Variants in LARGE1 observed in about 807,000 individuals in gnomAD.
The protein encoded by LARGE1 is xylosyl- and glucuronyltransferase LARGE1.
In LARGE1, 43 loss-of-function variants were observed where a neutral mutation model predicts 87.6. The observed-to-expected ratio is 0.49, with a 90% CI of 0.38 to 0.63. The LOEUF is 0.63. LARGE1 is among the 30% of genes least tolerant of loss of function. The pLI, the probability that LARGE1 is intolerant of heterozygous loss-of-function variation, is 0.00. For synonymous variants in LARGE1, 434 were observed against 394.6 expected (o/e 1.10, Z -1.18); for missense variants, 802 against 1,000.2 (o/e 0.80, Z 2.67).
the LARGE1 span, among the ~76,000 whole-genome samples, chr22:33,104,739 T>G: frequency 7.2e-5 from 11 of 152,200 alleles, no homozygotes; most frequent in African/African-American, 2.7e-4. Context: ...CCTCTTCTTC[T>G]GCCTATAACA....
In LARGE1 at chr22:33,469,422, A is replaced by T. The variant is rs184752058; in HGVS notation, c.788-37157T>A. ...TGGATGCCATTATCGTAAACACACT[A>T]ACGCAGGAACACAAAATGTTTACCT... On this transcript the variant is annotated intron_variant, in intron 6 of 14. Transcript: ENST00000397394. Among the ~76,000 whole-genome samples the T allele has an allele frequency of 4.4e-3, 672 of 151,708 alleles. 6 individuals are homozygous for T. The highest frequency in any genetic ancestry group is 0.015 in the African/African-American group (633 of 41,012).
At chr22:33,622,343 T>C (rs141842433) in intron 4 of LARGE1, among the ~76,000 whole-genome samples, 1 of 152,294 alleles carries the variant, frequency 6.6e-6, no homozygotes, top group East Asian at 1.9e-4. Context: ...CTTCCTGCCA[T>C]CTTGTGAAGA....
At chr22:33,840,356 T>G (rs888257786) in intron 1 of LARGE1, among the ~76,000 whole-genome samples, 1 of 150,356 alleles carries the variant, frequency 6.7e-6, no homozygotes, top group Non-Finnish European at 1.5e-5. Flanking sequence ...GCAGTTTTAC[T>G]TCCTGTCTTT....
intron 6 of LARGE1, among the ~76,000 whole-genome samples, chr22:33,433,607 CAAAAA>C (rs57605083): frequency 1.0e-4 from 9 of 88,268 alleles, no homozygotes; most frequent in African/African-American, 2.3e-4. Context: ...AAAAACAAAA[CAAAAA>C]AAAAAAAAAA....
chr22:33,253,128 G>T (rs1023536936), intron 11 of LARGE1, among the ~76,000 whole-genome samples: 4 of 152,178 alleles, frequency 2.6e-5, no homozygotes, highest in African/African-American at 9.7e-5. Context: ...AGCGAATCAG[G>T]CTGTGAGAAC....
At chr22:33,438,977 A>G (rs2067371728) in intron 6 of LARGE1, among the ~76,000 whole-genome samples, 2 of 152,108 alleles carry the variant, frequency 1.3e-5, no homozygotes, top group Admixed American at 1.3e-4. Flanking sequence ...TTGGGAGGCC[A>G]AGGTGGGTGG....
At chr22:33,130,333 A>AAAAAAAAAAAAAAAAAAAAAG in the LARGE1 span, among the ~76,000 whole-genome samples, 1 of 146,166 alleles carries the variant, frequency 6.8e-6, no homozygotes, top group Non-Finnish European at 1.5e-5. Context: ...AAAAAAAAAA[A>AAAAAAAAAAAAAAAAAAAAAG]AAAAAAAATT....
intron 11 of LARGE1, among the ~76,000 whole-genome samples, chr22:33,263,358 T>C (rs895440012): frequency 1.3e-5 from 2 of 152,242 alleles, no homozygotes; most frequent in Admixed American, 6.5e-5. Flanking sequence ...GTGATTATGC[T>C]GTGTTATAGA....
intron 1 of LARGE1, among the ~76,000 whole-genome samples, chr22:33,875,294 C>T (rs954048521): frequency 6.6e-6 from 1 of 152,188 alleles, no homozygotes; most frequent in South Asian, 2.1e-4. Flanking sequence ...CTGCTTGCAG[C>T]TTTATGGGTC....
At chr22:33,414,402 T>C (rs1392890969) in intron 7 of LARGE1, among the ~76,000 whole-genome samples, 1 of 151,980 alleles carries the variant, frequency 6.6e-6, no homozygotes, top group Non-Finnish European at 1.5e-5. Flanking sequence ...TAGTTAACAA[T>C]AACAACAACA....
the LARGE1 span, among the ~76,000 whole-genome samples, chr22:33,143,691 T>C: frequency 6.6e-6 from 1 of 152,164 alleles, no homozygotes; most frequent in Non-Finnish European, 1.5e-5. Context: ...CCTTGCCAAT[T>C]GGATATTGCA....
chr22:33,918,764 G>A (rs2065858290), intron 1 of LARGE1, among the ~76,000 whole-genome samples: 1 of 152,110 alleles, frequency 6.6e-6, no homozygotes, highest in Non-Finnish European at 1.5e-5. Flanking sequence ...AAATTAACCC[G>A]AGGTGACTGC....
At chr22:33,643,839 A>G (rs2080520829) in intron 3 of LARGE1, among the ~76,000 whole-genome samples, 1 of 152,184 alleles carries the variant, frequency 6.6e-6, no homozygotes, top group South Asian at 2.1e-4. Context: ...CTGGACATAT[A>G]CATCCTCCCA....
chr22:33,086,163 G>T, the LARGE1 span, among the ~76,000 whole-genome samples: 1 of 152,114 alleles, frequency 6.6e-6, no homozygotes, highest in Non-Finnish European at 1.5e-5. Context: ...GATAGTATCA[G>T]TCTGTTGTTT....
At chr22:33,265,412 C>G (rs528743811) in intron 11 of LARGE1, among the ~76,000 whole-genome samples, 2 of 152,142 alleles carry the variant, frequency 1.3e-5, no homozygotes, top group Non-Finnish European at 2.9e-5. Flanking sequence ...AGCGCTCTCT[C>G]GTCTTGACAC....
At chr22:33,507,428 TA>T (rs1452593766) in intron 6 of LARGE1, among the ~76,000 whole-genome samples, 1 of 151,792 alleles carries the variant, frequency 6.6e-6, no homozygotes, top group Non-Finnish European at 1.5e-5. Context: ...CTAAGTGAAA[TA>T]AACCAGACAT....
intron 12 of LARGE1, among the ~76,000 whole-genome samples, chr22:33,296,566 TTTC>T (rs1242260691): frequency 1.4e-5 from 2 of 144,556 alleles, no homozygotes; most frequent in East Asian, 1.9e-4. Context: ...TCTTTTTTCT[TTTC>T]TTTTTTTTTT....
intron 1 of LARGE1, among the ~76,000 whole-genome samples, chr22:33,837,279 C>CACACACACACACACACACAT (rs1491397964): frequency 5.3e-5 from 8 of 151,516 alleles, no homozygotes; most frequent in Non-Finnish European, 8.8e-5. Flanking sequence ...CACACACACA[C>CACACACACACACACACACAT]ACCTATACAT....
intron 1 of LARGE1, among the ~76,000 whole-genome samples, chr22:33,886,089 A>G (rs1290709291): frequency 6.6e-6 from 1 of 152,194 alleles, no homozygotes; most frequent in Non-Finnish European, 1.5e-5. Flanking sequence ...TCACTGAATT[A>G]AAACTCCCTC....
Sources: allele counts gnomAD v4.1 joint callset (sites outside exome capture counted in the v4.1 genomes callset), GRCh38; gene constraint gnomAD v4.1.1; transcripts MANE v1.5; gene names NCBI Gene and HGNC (gene_info 2026-07-23, HGNC 2026-07-21).